The following BDNF variants were observed in gnomAD, a reference collection of about 807,000 sequenced individuals.
BDNF encodes neurotrophic factor BDNF precursor form.
A neutral mutation model predicts 19.5 loss-of-function variants in BDNF; 1 was observed. The ratio of observed to expected loss-of-function variants is 0.05; its 90% CI spans 0.02 to 0.24. The LOEUF (loss-of-function observed/expected upper bound fraction) is 0.24, where lower values mean the gene tolerates loss of function less well. Among genes scored for constraint, BDNF ranks in the 10% least tolerant of loss-of-function variants. BDNF has a pLI of 1.00. For missense variants in BDNF, 195 were observed against 317.6 expected (o/e 0.61, Z 2.93); for synonymous variants, 100 against 121.6 (o/e 0.82, Z 1.17).
rs1852525822 is a variant in BDNF, at chr11:27,656,193, C to T, written c.*1628G>A. 6.6e-6 allele frequency: 1 copy of T among 152,148 alleles called. No homozygotes were observed. The highest frequency in any genetic ancestry group is 2.4e-5 in the African/African-American group (1 of 41,450). 9.4% of individuals were successfully genotyped at this position (152,148 alleles called of 1,614,324 possible). A position where few individuals can be genotyped will look rare whatever the true frequency, so the allele number is the denominator to read the frequency against. ...GTTCTCAAAAGATAAACCCTGGTTTCCTCAAGTCTAGTTTCAAAGCAATAA... is the reference window on the plus strand; with the variant it reads ...GTTCTCAAAAGATAAACCCTGGTTTTCTCAAGTCTAGTTTCAAAGCAATAA... On this transcript the variant is annotated 3_prime_UTR_variant, in exon 2 of 2. Coordinates refer to ENST00000356660, the MANE Select transcript of BDNF (RefSeq NM_001709.5).
intron 1 of BDNF, among the ~76,000 whole-genome samples, chr11:27,686,223 C>CT (rs995342564): frequency 9.9e-5 from 15 of 150,844 alleles, no homozygotes; most frequent in Admixed American, 4.6e-4. Flanking sequence ...GCAACCCCTG[C>CT]TTTTTTTTTG....
upstream of BDNF, chr11:27,701,597 G>A (rs1859898616): frequency 1.0e-6 from 1 of 987,108 alleles, no homozygotes; most frequent in Non-Finnish European, 1.2e-6. Flanking sequence ...GAGCGGCAGC[G>A]AGAGCAGCCC....
At chr11:27,691,505 G>A (rs550400492) in intron 1 of BDNF, among the ~76,000 whole-genome samples, 21 of 152,264 alleles carry the variant, frequency 1.4e-4, no homozygotes, top group African/African-American at 2.6e-4. Flanking sequence ...AAACATACAC[G>A]CAAGAACACA....
At chr11:27,662,416 A>G (rs1853606761) in intron 1 of BDNF, among the ~76,000 whole-genome samples, 1 of 152,216 alleles carries the variant, frequency 6.6e-6, no homozygotes, top group Non-Finnish European at 1.5e-5. Context: ...AATTTTCGTA[A>G]GAAGCCTTTT....
chr11:27,711,199 A>G (rs1054135809), intron 1 of BDNF, among the ~76,000 whole-genome samples: 6 of 152,228 alleles, frequency 3.9e-5, no homozygotes, highest in African/African-American at 1.4e-4. Flanking sequence ...CTTTAAAAGA[A>G]AAATAATCGT....
intron 1 of BDNF, chr11:27,699,566 T>G: frequency 6.5e-7 from 1 of 1,528,074 alleles, no homozygotes; most frequent in Non-Finnish European, 8.8e-7. Context: ...CCCTTTCAGT[T>G]CCCAGCGGTA....
chr11:27,701,368 C>A (rs970414485), upstream of BDNF: 9 of 1,077,184 alleles, frequency 8.4e-6, no homozygotes, highest in Admixed American at 8.8e-5. Context: ...CCCAAAACTC[C>A]CACACTCTAT....
At chr11:27,670,525 A>C (rs1855182334) in intron 1 of BDNF, among the ~76,000 whole-genome samples, 1 of 152,226 alleles carries the variant, frequency 6.6e-6, no homozygotes, top group Non-Finnish European at 1.5e-5. Context: ...CAAAGGGCTA[A>C]TATCCAGAAT....
chr11:27,657,759 T>G lies in BDNF; in HGVS notation c.*62A>C. On this transcript the variant is annotated 3_prime_UTR_variant, in exon 2 of 2. Transcript: ENST00000356660. The surrounding 1 kb of genome is among the most constrained non-coding windows in gnomAD (Gnocchi z 5.0). ...CTTAACTGAATAATTTACCCTGTTA[T>G]GTATATATACAAATAGATAATTTTT... The G allele has an allele frequency of 6.3e-7, 1 of 1,594,688 alleles. No homozygotes were observed. Among genetic ancestry groups the G allele is most frequent in the Non-Finnish European group, 8.6e-7 (1 of 1,167,684 alleles).
chr11:27,674,914 A>C (rs900206863), intron 1 of BDNF: 3 of 891,720 alleles, frequency 3.4e-6, no homozygotes, highest in Admixed American at 6.2e-5. Flanking sequence ...CTTTGTATTA[A>C]ACTTGATAAA....
intron 1 of BDNF, chr11:27,719,830 C>G (rs899746921): frequency 2.4e-5 from 5 of 209,236 alleles, no homozygotes; most frequent in Non-Finnish European, 4.2e-5. Flanking sequence ...ACTAGAAGAG[C>G]TGAAATTACC....
At chr11:27,700,005 A>T (rs777131260) in intron 1 of BDNF, among the ~76,000 whole-genome samples, 159 bp downstream of exon 1, 82 of 152,038 alleles carry the variant, frequency 5.4e-4, no homozygotes, top group Non-Finnish European at 9.6e-4. Context: ...TGGGGGAGAA[A>T]ACTCCCCAAG....
At chr11:27,694,906 TA>T (rs1450914317) in intron 1 of BDNF, among the ~76,000 whole-genome samples, 2 of 152,202 alleles carry the variant, frequency 1.3e-5, no homozygotes, top group Non-Finnish European at 2.9e-5. Context: ...TTCGGTTTGG[TA>T]CATATCCATG....
chr11:27,674,275 C>T (rs1312832856), intron 1 of BDNF: 3 of 1,565,146 alleles, frequency 1.9e-6, no homozygotes, highest in Non-Finnish European at 2.6e-6. Flanking sequence ...AAACTGGTGG[C>T]TCCACACATC....
Position 27,658,754 on chromosome 11 carries a change from G to A in BDNF, c.-21-169C>T, listed in dbSNP as rs1852917135. 1 of 1,504,984 alleles carries A rather than the reference G, an allele frequency of 6.6e-7. No homozygotes were observed. The allele number at this position is 1,504,984 out of a possible 1,614,324, so 93.2% of individuals were successfully genotyped here. On this transcript the variant is annotated intron_variant, in intron 1 of 1. Transcript: ENST00000356660. This position sits in a 1 kb window ranked among gnomAD's most constrained non-coding sequence, Gnocchi z 5.7. ...CCAGACACAAATCAGTGTCAGTAGT[G>A]TGCTGTATGTGGTTTAATATAAACC...
At chr11:27,720,716 T>G (rs1860715270) in intron 1 of BDNF, 2 of 985,830 alleles carry the variant, frequency 2.0e-6, no homozygotes, top group Admixed American at 1.2e-4. Flanking sequence ...ATCGCCCGGA[T>G]TACACACCCG....
chr11:27,714,158 A>G (rs1860434495), intron 1 of BDNF, among the ~76,000 whole-genome samples: 1 of 152,142 alleles, frequency 6.6e-6, no homozygotes, highest in South Asian at 2.1e-4. Context: ...ATCCCAGGGA[A>G]TGGCTTGCAG....
chr11:27,657,508 C>A lies in BDNF; in HGVS notation c.*313G>T. 1 of 1,122,812 alleles carries A rather than the reference C, an allele frequency of 8.9e-7. No homozygotes were observed. The highest frequency in any genetic ancestry group is 1.1e-6 in the Non-Finnish European group (1 of 914,546). 69.6% of individuals were successfully genotyped at this position (1,122,812 alleles called of 1,614,324 possible). A position where few individuals can be genotyped will look rare whatever the true frequency, so the allele number is the denominator to read the frequency against. ...AAGAGGACAGTTTATTATCAATTCA[C>A]AATTAAAGCAGCATGCAATTTATTA... On this transcript the variant is annotated 3_prime_UTR_variant, in exon 2 of 2. Transcript: ENST00000356660. This position sits in a 1 kb window ranked among gnomAD's most constrained non-coding sequence, Gnocchi z 5.0.
At chr11:27,674,443 C>G (rs1855825189) in intron 1 of BDNF, 1 of 1,433,524 alleles carries the variant, frequency 7.0e-7, no homozygotes, top group African/African-American at 1.4e-5. Flanking sequence ...GCTCCCAGCT[C>G]TTCTGAAGTG....
Sources: allele counts gnomAD v4.1 joint callset (sites outside exome capture counted in the v4.1 genomes callset), GRCh38; gene constraint gnomAD v4.1.1; non-coding constraint Gnocchi (gnomAD v3.1); transcripts MANE v1.5; gene names NCBI Gene and HGNC (gene_info 2026-07-23, HGNC 2026-07-21).